The following TTLL5 variants were observed in gnomAD, a reference collection of about 807,000 sequenced individuals.
The protein encoded by TTLL5 is tubulin tyrosine ligase like 5.
A neutral mutation model predicts 168.4 loss-of-function variants in TTLL5; 132 were observed. The ratio of observed to expected loss-of-function variants is 0.78; its 90% CI spans 0.68 to 0.91. The LOEUF (loss-of-function observed/expected upper bound fraction) is 0.91. Among genes scored for constraint, TTLL5 ranks in the 40% least tolerant of loss-of-function variants. The pLI is 0.00. For missense variants in TTLL5, 1,545 were observed against 1,581.5 expected (o/e 0.98, Z 0.39); for synonymous variants, 546 against 558.6 (o/e 0.98, Z 0.32).
intron 28 of TTLL5, among the ~76,000 whole-genome samples, chr14:75,844,101 T>C (rs562448918): frequency 7.2e-5 from 11 of 152,054 alleles, no homozygotes; most frequent in Non-Finnish European, 1.6e-4. Flanking sequence ...CAGGCCGGTC[T>C]CGAACTCCTG....
chr14:75,732,283 G>T (rs1681071545), intron 12 of TTLL5, 55 bp from the exon 13 acceptor site: 2 of 1,513,374 alleles, frequency 1.3e-6, no homozygotes, highest in Admixed American at 1.7e-5. Flanking sequence ...CTAGATCTTT[G>T]TGTAGTTGTG....
intron 31 of TTLL5, among the ~76,000 whole-genome samples, chr14:75,949,340 C>T (rs145448434): frequency 1.7e-3 from 253 of 147,990 alleles, no homozygotes; most frequent in African/African-American, 5.6e-3. Context: ...TACCAAGAGA[C>T]GCTTTAAGAA....
chr14:75,713,101 G>A (rs770560121), intron 9 of TTLL5, among the ~76,000 whole-genome samples: 9 of 152,168 alleles, frequency 5.9e-5, no homozygotes, highest in Admixed American at 3.9e-4. Flanking sequence ...TGACTCCATC[G>A]TGTAAATTTT....
At chr14:75,767,781 G>C (rs1002490326) in intron 20 of TTLL5, among the ~76,000 whole-genome samples, 1 of 152,276 alleles carries the variant, frequency 6.6e-6, no homozygotes, top group African/African-American at 2.4e-5. Context: ...TAAAGGCAGG[G>C]GGGTGAGTTA....
At chr14:75,662,329 GTTT>G (rs572439310) in intron 1 of TTLL5, among the ~76,000 whole-genome samples, 1 of 141,760 alleles carries the variant, frequency 7.1e-6, no homozygotes. Flanking sequence ...GTTTTTTGTT[GTTT>G]TTTTTTTTTT....
At chr14:75,663,306 C>A (rs1454468585) in intron 2 of TTLL5, 83 bp downstream of exon 2, 1 of 1,302,986 alleles carries the variant, frequency 7.7e-7, no homozygotes, top group Non-Finnish European at 1.1e-6. Context: ...ACTATATACT[C>A]TTCTCTTTTA....
intron 31 of TTLL5, among the ~76,000 whole-genome samples, chr14:75,936,950 G>A (rs1420790459): frequency 6.6e-6 from 1 of 152,134 alleles, no homozygotes; most frequent in African/African-American, 2.4e-5. Context: ...CAAATGCAGA[G>A]TTAAATTATA....
intron 6 of TTLL5, among the ~76,000 whole-genome samples, chr14:75,695,514 C>A (rs1262313052): frequency 6.6e-6 from 1 of 152,130 alleles, no homozygotes; most frequent in East Asian, 1.9e-4. Context: ...ACACTCCCTC[C>A]CCTTTAAAAA....
chr14:75,718,900 G>A (rs1337711515), intron 10 of TTLL5, among the ~76,000 whole-genome samples: 2 of 152,192 alleles, frequency 1.3e-5, no homozygotes, highest in East Asian at 1.9e-4. Context: ...AAGGAATCTG[G>A]AAGTGATAGA....
chr14:75,720,689 G>A lies in TTLL5; in HGVS notation c.1028G>A (p.Arg343His), dbSNP rs759880353. The A allele has an allele frequency of 4.7e-5, 76 of 1,613,102 alleles. No individual in the cohort carries two copies. Among genetic ancestry groups the A allele is most frequent in the Non-Finnish European group, 6.2e-5 (73 of 1,179,342 alleles). The change falls in exon 12 of 32, where the codon CGC becomes CAC. Residue 343 changes from arginine (R) to histidine (H), a missense_variant. Coordinates refer to ENST00000298832, the MANE Select transcript of TTLL5 (RefSeq NM_015072.5). The stretch of plus-strand genomic sequence containing the variant: ...GCCTGTAAAACCTTTGTTCCTCATC[G>A]CAGCAGTTGTTTTGGTAAGGAGACT... ...ATACKTFVPH[R>H]SSCFELYGFD... is the part of the protein sequence containing the mutation.
chr14:75,917,580 C>G (rs1453428102), intron 31 of TTLL5, among the ~76,000 whole-genome samples: 2 of 152,200 alleles, frequency 1.3e-5, no homozygotes, highest in Non-Finnish European at 2.9e-5. Flanking sequence ...CTGGCTGTCT[C>G]TTTATCCAGC....
Position 75,790,760 on chromosome 14 carries a change from C to T in TTLL5, c.2987-2156C>T, listed in dbSNP as rs186633844. 2.3e-3 allele frequency among the ~76,000 whole-genome samples: 355 copies of T among 151,288 alleles called. 3 individuals carry two copies. Among genetic ancestry groups the T allele is most frequent in the African/African-American group, 7.7e-3 (320 of 41,306 alleles). ...GATTACAGGTGTGAGCCACCATTCCCGGCCCAGGAACTTTTTTATTTTGTT... is the reference window on the plus strand; with the variant it reads ...GATTACAGGTGTGAGCCACCATTCCTGGCCCAGGAACTTTTTTATTTTGTT... On this transcript the variant is annotated intron_variant, in intron 26 of 31. Coordinates refer to ENST00000298832, the MANE Select transcript of TTLL5 (RefSeq NM_015072.5).
intron 30 of TTLL5, among the ~76,000 whole-genome samples, chr14:75,885,545 A>G (rs2032071313): frequency 2.6e-5 from 4 of 152,268 alleles, no homozygotes; most frequent in Admixed American, 2.6e-4. Flanking sequence ...TGACATTGCC[A>G]TGGGGCATTT....
intron 18 of TTLL5, among the ~76,000 whole-genome samples, chr14:75,756,445 A>G (rs961265991): frequency 6.6e-6 from 1 of 152,174 alleles, no homozygotes; most frequent in Non-Finnish European, 1.5e-5. Flanking sequence ...ATGAACCTAC[A>G]CAGGCAGTAA....
intron 25 of TTLL5, 81 bp from the exon 26 acceptor site, chr14:75,783,066 T>C: frequency 1.5e-6 from 2 of 1,364,392 alleles, no homozygotes; most frequent in Non-Finnish European, 2.0e-6. Context: ...GTGATGTTTA[T>C]GTTTTAAAAA....
intron 9 of TTLL5, among the ~76,000 whole-genome samples, chr14:75,715,461 A>G (rs1408592809): frequency 6.6e-6 from 1 of 152,150 alleles, no homozygotes; most frequent in African/African-American, 2.4e-5. Context: ...CCTGTGGTCT[A>G]GACAATAAAA....
chr14:75,849,083 CATG>C (rs1896708388), intron 28 of TTLL5, among the ~76,000 whole-genome samples: 1 of 152,208 alleles, frequency 6.6e-6, no homozygotes, highest in Admixed American at 6.5e-5. Flanking sequence ...AGCTTTTTGA[CATG>C]ATACCTCAAT....
At chr14:75,732,565 T>G in intron 13 of TTLL5, 146 bp downstream of exon 13, 1 of 660,846 alleles carries the variant, frequency 1.5e-6, no homozygotes, top group Non-Finnish European at 2.6e-6. Flanking sequence ...TTAAATCAGC[T>G]GGTTTATGGC....
At chr14:75,886,897 A>G (rs781740241) in intron 30 of TTLL5, 4 of 1,456,624 alleles carry the variant, frequency 2.7e-6, no homozygotes, top group Non-Finnish European at 3.6e-6. Flanking sequence ...GCCAGGCACA[A>G]GGGCAAAACT....
Sources: allele counts gnomAD v4.1 joint callset (sites outside exome capture counted in the v4.1 genomes callset), GRCh38; gene constraint gnomAD v4.1.1; transcripts MANE v1.5; gene names NCBI Gene and HGNC (gene_info 2026-07-23, HGNC 2026-07-21).